The following DDX52 variants were observed in gnomAD, a reference collection of about 807,000 sequenced individuals.
DDX52 encodes probable ATP-dependent RNA helicase DDX52.
DDX52 carries 59 observed loss-of-function variants against 76.1 expected under a neutral mutation model. The observed-to-expected ratio is 0.78, with a 90% CI of 0.63 to 0.96. DDX52 has a LOEUF of 0.96. Among genes scored for constraint, DDX52 ranks in the 40% least tolerant of loss-of-function variants. DDX52 has a pLI of 0.00. For synonymous variants in DDX52, 231 were observed against 244.1 expected, an observed-to-expected ratio of 0.95 and a Z score of 0.50; for missense variants, 707 against 703.9, an observed-to-expected ratio of 1.00 and a Z score of -0.05.
chr17:37,614,421 C>CA (rs1249667494), intron 14 of DDX52, 68 bp from the exon 15 acceptor site: 1 of 1,465,706 alleles, frequency 6.8e-7, no homozygotes, highest in South Asian at 1.2e-5. Context: ...ATAACCCTAC[C>CA]ACCAGTTTAA....
chr17:37,624,276 T>C, intron 9 of DDX52, 68 bp downstream of exon 9: 1 of 1,192,898 alleles, frequency 8.4e-7, no homozygotes, highest in Non-Finnish European at 1.2e-6. Flanking sequence ...ACCACTGTAA[T>C]AGCCTCCCAC....
chr17:37,616,607 A>G (rs1212694194), intron 14 of DDX52, among the ~76,000 whole-genome samples: 1 of 151,478 alleles, frequency 6.6e-6, no homozygotes, highest in Non-Finnish European at 1.5e-5. Flanking sequence ...GTGAGCCGAG[A>G]TTGCGACACT....
chr17:37,635,535 T>C (rs991442232), intron 2 of DDX52: 1 of 448,856 alleles, frequency 2.2e-6, no homozygotes, highest in African/African-American at 2.0e-5. Flanking sequence ...TGTTGCACCA[T>C]GTATCAACAA....
At chr17:37,621,570 G>T in intron 9 of DDX52, 50 bp from the exon 10 acceptor site, 1 of 1,554,722 alleles carries the variant, frequency 6.4e-7, no homozygotes, top group South Asian at 1.2e-5. Flanking sequence ...GAATACAATT[G>T]GTCATTATTT....
intron 12 of DDX52, chr17:37,620,387 CATT>C (rs2030019559): frequency 6.1e-6 from 1 of 162,724 alleles, no homozygotes; most frequent in East Asian, 1.9e-4. Flanking sequence ...TACACACGCA[CATT>C]TGAATCTGCT....
chr17:37,624,903 TTTAA>T (rs1293920584), intron 8 of DDX52, among the ~76,000 whole-genome samples: 12 of 152,062 alleles, frequency 7.9e-5, no homozygotes, highest in East Asian at 7.7e-4. Context: ...ATTTTTCCCA[TTTAA>T]TTATTTTTAT....
chr17:37,615,875 A>G (rs930759809), intron 14 of DDX52, among the ~76,000 whole-genome samples: 5 of 151,914 alleles, frequency 3.3e-5, no homozygotes, highest in African/African-American at 4.8e-5. Flanking sequence ...TTAGCTGGGC[A>G]TGGTGGTGTG....
intron 14 of DDX52, among the ~76,000 whole-genome samples, chr17:37,615,939 G>A (rs2064420560): frequency 3.3e-5 from 5 of 151,126 alleles, no homozygotes; most frequent in East Asian, 3.9e-4. Flanking sequence ...ACTTGAACCC[G>A]GGAGGTGAAG....
chr17:37,626,969 T>G (rs1167891432), intron 6 of DDX52, 109 bp from the exon 7 acceptor site: 8 of 807,818 alleles, frequency 9.9e-6, no homozygotes, highest in Non-Finnish European at 1.6e-5. Context: ...GAAGTAGTCA[T>G]AGCCAACAAC....
chr17:37,625,856 A>C (rs2030338022), intron 8 of DDX52, 39 bp downstream of exon 8: 1 of 1,610,294 alleles, frequency 6.2e-7, no homozygotes, highest in Admixed American at 1.7e-5. Flanking sequence ...GTATTTAAAA[A>C]AAAAATCAGT....
At position 37,642,196 on chromosome 17, in the gene DDX52, T is replaced by G. The variant is rs142079908; in HGVS notation, c.200A>C (p.Lys67Thr). The stretch of plus-strand genomic sequence containing the variant: ...TTCTTTTTTCTCTCCATTTTGGGGC[T>G]TCTGATGTGTTTGTGATGCTCCACA... ...GVCGASQTHQ[K>T]PQNGEKKEES... Residue 67 changes from lysine (K) to threonine (T), a missense_variant, in exon 2 of 15, where the codon AAG becomes ACG. Transcript: ENST00000617633. 1 of 1,614,092 alleles carries G rather than the reference T, an allele frequency of 6.2e-7. No individual in the cohort carries two copies. The highest frequency in any genetic ancestry group is 1.3e-5 in the African/African-American group (1 of 74,920).
rs1362502261 is a variant in DDX52, at chr17:37,613,762, A to G, written c.*534T>C. 1 of 152,682 alleles carries G rather than the reference A, an allele frequency of 6.5e-6. No homozygotes were observed. Among genetic ancestry groups the G allele is most frequent in the Non-Finnish European group, 1.5e-5 (1 of 68,084 alleles). 9.5% of individuals were successfully genotyped at this position (152,682 alleles called of 1,614,324 possible). A position where few individuals can be genotyped will look rare whatever the true frequency, so the allele number is the denominator to read the frequency against. On this transcript the variant is annotated 3_prime_UTR_variant, in exon 15 of 15. Coordinates refer to ENST00000617633, the MANE Select transcript of DDX52 (RefSeq NM_007010.5). ...GCAGTGGAAGGGGTATTTAATGTCA[A>G]GGCTTTATTTTGAATTTCTGTTCCA...
chr17:37,618,440 G>T, intron 13 of DDX52, 56 bp from the exon 14 acceptor site: 2 of 1,377,024 alleles, frequency 1.5e-6, no homozygotes, highest in Non-Finnish European at 2.0e-6. Flanking sequence ...AATTAGAAGA[G>T]TTAAAGCTAA....
chr17:37,641,461 G>A (rs1024093452), intron 2 of DDX52, among the ~76,000 whole-genome samples: 2 of 152,056 alleles, frequency 1.3e-5, no homozygotes, highest in Admixed American at 1.3e-4. Flanking sequence ...GTTTCAGGCA[G>A]GGCGCGGTGG....
intron 9 of DDX52, 100 bp from the exon 10 acceptor site, chr17:37,621,620 A>C: frequency 1.4e-6 from 2 of 1,448,520 alleles, no homozygotes; most frequent in South Asian, 1.5e-5. Context: ...AATTCAATTT[A>C]GTGTACTTTC....
chr17:37,614,338 A>C lies in DDX52; in HGVS notation c.1758T>G (p.Gly586=). 1 of 1,611,350 alleles carries C rather than the reference A, an allele frequency of 6.2e-7. No homozygotes were observed. The highest frequency in any genetic ancestry group is 8.5e-7 in the Non-Finnish European group (1 of 1,179,258). Residue 586 remains glycine, a synonymous_variant, in exon 15 of 15, where the codon GGT becomes GGG. Transcript: ENST00000617633. ...GAGCTACTTTCTTCTTGCTGTTCTG[A>C]CCAGTGACCTTTTTCCTGTAAAGAG... ...KAKDKQKKVT[G]QNSKKKVALE...
chr17:37,639,445 G>A, intron 2 of DDX52: 2 of 993,846 alleles, frequency 2.0e-6, no homozygotes, highest in Non-Finnish European at 2.4e-6. Flanking sequence ...GTTAAAAATA[G>A]ATACATGCCT....
intron 9 of DDX52, among the ~76,000 whole-genome samples, chr17:37,622,162 AAACATTTT>A (rs1269086125): frequency 3.5e-4 from 2 of 5,680 alleles, no homozygotes; most frequent in African/African-American, 1.7e-3. Flanking sequence ...ATCTCTAAGT[AAACATTTT>A]TTTTTTACTA....
chr17:37,627,633 T>C (rs1206351648), intron 6 of DDX52, among the ~76,000 whole-genome samples: 1 of 151,342 alleles, frequency 6.6e-6, no homozygotes. Flanking sequence ...TGGAATTTTA[T>C]GCAGAGGCCC....
Sources: gnomAD v4.1 joint callset for allele counts (sites outside exome capture counted in the v4.1 genomes callset) on GRCh38, gnomAD v4.1.1 for gene constraint, MANE v1.5 for transcripts, NCBI Gene and HGNC (gene_info 2026-07-23, HGNC 2026-07-21) for gene names.